Variants in COLEC12 observed in about 807,000 individuals in gnomAD.
COLEC12 encodes the protein collectin-12.
In COLEC12, 33 loss-of-function variants were observed where a neutral mutation model predicts 71.1. The observed-to-expected ratio is 0.46, with a 90% confidence interval of 0.35 to 0.62. COLEC12 has a LOEUF of 0.62. COLEC12 is among the 20% of genes least tolerant of loss of function. The pLI is 0.00. For synonymous variants in COLEC12, 350 were observed against 353.0 expected (o/e 0.99, Z 0.10); for missense variants, 765 against 916.1 (o/e 0.84, Z 2.13).
At chr18:453,302 G>T (rs4798222) in intron 2 of COLEC12, among the ~76,000 whole-genome samples, 2 of 152,056 alleles carry the variant, frequency 1.3e-5, no homozygotes, top group East Asian at 1.9e-4. Flanking sequence ...TAGAATTTAA[G>T]AATTAATCAA....
chr18:346,840 T>G lies in COLEC12; in HGVS notation c.782A>C (p.Lys261Thr). 2.5e-6 allele frequency: 4 copies of G among 1,614,188 alleles called. No homozygotes were observed. The highest frequency in any genetic ancestry group is 3.4e-6 in the Non-Finnish European group (4 of 1,180,016). Residue 261 changes from lysine to threonine, a missense_variant, in exon 5 of 10, where the codon AAA (lysine) becomes ACA (threonine). By Grantham distance (78) the Lys-to-Thr change is moderately conservative (BLOSUM62 -1). Coordinates refer to ENST00000400256, the MANE Select transcript of COLEC12 (RefSeq NM_130386.3). The surrounding 1 kb of genome is among the most constrained non-coding windows in gnomAD (Gnocchi z 4.0). ...AGCCAGCGTCTGCAAGCTCTGCACT[T>G]TCTCCTTCAGCCAATCCGTGTCCTT... is the stretch of plus-strand genomic sequence containing the variant. ...AKKDTDWLKE[K>T]VQSLQTLAAN...
At chr18:448,314 G>A (rs537288857) in intron 2 of COLEC12, among the ~76,000 whole-genome samples, 2 of 152,198 alleles carry the variant, frequency 1.3e-5, no homozygotes, top group African/African-American at 4.8e-5. Context: ...GTCTGATCCT[G>A]TAATCTTTGT....
intron 2 of COLEC12, among the ~76,000 whole-genome samples, chr18:452,977 C>A (rs1182863948): frequency 6.6e-6 from 1 of 152,202 alleles, no homozygotes; most frequent in Non-Finnish European, 1.5e-5. Context: ...AAGAATGTAA[C>A]CAAAAGACAT....
At chr18:462,603 G>C (rs1917004503) in intron 2 of COLEC12, among the ~76,000 whole-genome samples, 1 of 152,156 alleles carries the variant, frequency 6.6e-6, no homozygotes, top group Non-Finnish European at 1.5e-5. Flanking sequence ...ATTGATGGTG[G>C]TAGTTGCACA....
intron 2 of COLEC12, among the ~76,000 whole-genome samples, chr18:400,911 T>C (rs1348751831): frequency 6.6e-6 from 1 of 152,206 alleles, no homozygotes; most frequent in Non-Finnish European, 1.5e-5. Context: ...GCCTAAACCT[T>C]CTTTCCCTGA....
intron 8 of COLEC12, among the ~76,000 whole-genome samples, chr18:324,577 C>T (rs1913791262): frequency 6.6e-6 from 1 of 152,104 alleles, no homozygotes; most frequent in African/African-American, 2.4e-5. Flanking sequence ...ACCTGTAATC[C>T]CAGCACTTTG....
chr18:450,783 A>G (rs1916745686), intron 2 of COLEC12, among the ~76,000 whole-genome samples: 2 of 152,240 alleles, frequency 1.3e-5, no homozygotes, highest in Non-Finnish European at 2.9e-5. Flanking sequence ...AAGATGAAGG[A>G]CAATTTGGAA....
At chr18:437,234 T>C (rs953251560) in intron 2 of COLEC12, among the ~76,000 whole-genome samples, 1 of 152,140 alleles carries the variant, frequency 6.6e-6, no homozygotes. Flanking sequence ...TCCAATCCTG[T>C]TTTAATTTTA....
At position 413,669 on chromosome 18, in the gene COLEC12, T is replaced by A. The variant is rs562682576; in HGVS notation, c.59-56147A>T. On this transcript the variant is annotated intron_variant, in intron 2 of 9. Transcript: ENST00000400256. ...TGAGACCCCATCTCTATAAAAAATTTAAAAAAGCATCTGTACGTGAATGTT... is the reference window on the plus strand; with the variant it reads ...TGAGACCCCATCTCTATAAAAAATTAAAAAAAGCATCTGTACGTGAATGTT... 1.3e-3 allele frequency among the ~76,000 whole-genome samples: 198 copies of A among 152,298 alleles called. 1 individual carries two copies. The highest frequency in any genetic ancestry group is 2.1e-3 in the Non-Finnish European group (145 of 68,018).
intron 2 of COLEC12, among the ~76,000 whole-genome samples, chr18:445,851 C>T (rs1598366506): frequency 6.6e-6 from 1 of 152,154 alleles, no homozygotes; most frequent in African/African-American, 2.4e-5. Context: ...AGGCTGGTCT[C>T]GAACTCCTGA....
chr18:464,097 G>A (rs569553409), intron 2 of COLEC12, among the ~76,000 whole-genome samples: 15 of 152,266 alleles, frequency 9.9e-5, no homozygotes, highest in Admixed American at 2.0e-4. Context: ...GGCCCGCACT[G>A]CTGCTGCGCT....
At chr18:406,044 A>G (rs1408855358) in intron 2 of COLEC12, among the ~76,000 whole-genome samples, 1 of 152,062 alleles carries the variant, frequency 6.6e-6, no homozygotes, top group East Asian at 1.9e-4. Context: ...CCCACCAAAA[A>G]CAGATGGCAA....
At chr18:390,503 T>G (rs2143587312) in intron 2 of COLEC12, among the ~76,000 whole-genome samples, 1 of 152,342 alleles carries the variant, frequency 6.6e-6, no homozygotes, top group East Asian at 1.9e-4. Context: ...GGTTCATGCC[T>G]GTAATCCCAG....
intron 2 of COLEC12, among the ~76,000 whole-genome samples, chr18:409,205 T>G (rs1915844888): frequency 1.3e-5 from 2 of 152,250 alleles, no homozygotes; most frequent in South Asian, 4.1e-4. Context: ...TAAAAGAAAA[T>G]TATCTGGCTA....
At chr18:331,043 C>T (rs1459833469) in intron 8 of COLEC12, among the ~76,000 whole-genome samples, 1 of 150,626 alleles carries the variant, frequency 6.6e-6, no homozygotes. Context: ...CCATATCCGG[C>T]TAATTTTTGT....
chr18:425,345 C>T (rs1916180054), intron 2 of COLEC12, among the ~76,000 whole-genome samples: 1 of 152,182 alleles, frequency 6.6e-6, no homozygotes, highest in Non-Finnish European at 1.5e-5. Flanking sequence ...GCAGCTGCCC[C>T]TCCCACCCAG....
chr18:397,126 C>T (rs541800267), intron 2 of COLEC12, among the ~76,000 whole-genome samples: 6 of 152,322 alleles, frequency 3.9e-5, no homozygotes, highest in African/African-American at 1.2e-4. Context: ...AAGGAGATTT[C>T]CTGTCCTTCT....
Position 440,370 on chromosome 18 carries a change from CACACACAT to C in COLEC12, c.58+40329_58+40336del, listed in dbSNP as rs1209210981. On this transcript the variant is annotated intron_variant, in intron 2 of 9. Transcript: ENST00000400256. ...GTCTGAAATGTTCTCAACACACACA[CACACACAT>C]ACACACACACACACACACACACATA... Among the ~76,000 whole-genome samples the C allele has an allele frequency of 5.7e-3, 515 of 90,408 alleles. 1 individual carries two copies. The highest frequency in any genetic ancestry group is 0.019 in the African/African-American group (439 of 23,554). 59.3% of individuals were successfully genotyped at this position (90,408 alleles called of 152,430 possible).
At chr18:425,323 T>C (rs1456983460) in intron 2 of COLEC12, among the ~76,000 whole-genome samples, 1 of 152,168 alleles carries the variant, frequency 6.6e-6, no homozygotes, top group Non-Finnish European at 1.5e-5. Flanking sequence ...CCCTTGCTCT[T>C]TTCCAGGCTG....
Sources: gnomAD v4.1 joint callset for allele counts (sites outside exome capture counted in the v4.1 genomes callset) on GRCh38, gnomAD v4.1.1 for gene constraint, Gnocchi (gnomAD v3.1) non-coding constraint, MANE v1.5 for transcripts, NCBI Gene and HGNC (gene_info 2026-07-23, HGNC 2026-07-21) for gene names.